Variants in MEIS1 observed in about 807,000 individuals in gnomAD.
MEIS1 encodes the protein Meis homeobox 1, also known as homeobox protein Meis1.
In MEIS1, 5 loss-of-function variants were observed where a neutral mutation model predicts 50.8. The observed-to-expected ratio is 0.10, with a 90% CI of 0.05 to 0.21. The LOEUF (loss-of-function observed/expected upper bound fraction) is 0.21, where lower values mean the gene tolerates loss of function less well. Among genes scored for constraint, MEIS1 ranks in the 10% least tolerant of loss-of-function variants. The pLI is 1.00. For missense variants in MEIS1, 318 were observed against 517.3 expected (o/e 0.61, Z 3.74); for synonymous variants, 176 against 179.3 (o/e 0.98, Z 0.15).
At chr2:66,469,942 A>G (rs2103758004) in intron 7 of MEIS1, among the ~76,000 whole-genome samples, 1 of 152,198 alleles carries the variant, frequency 6.6e-6, no homozygotes, top group South Asian at 2.1e-4. Flanking sequence ...TTAAAAAAAA[A>G]ACACGAAAAA....
At position 66,520,249 on chromosome 2, in the gene MEIS1, C is replaced by T. The variant is rs928687530; in HGVS notation, c.888+7955C>T. 5.3e-5 allele frequency among the ~76,000 whole-genome samples: 8 copies of T among 151,486 alleles called. No individual in the cohort carries two copies. In the South Asian group the frequency reaches 1.0e-3, roughly 20 times the overall value. ...CAGCACTTTGGGAGGCCGAGGTGGG[C>T]GGATCCTGAGGTCAGGAGATCGAGA... is the stretch of plus-strand genomic sequence containing the variant. On this transcript the variant is annotated intron_variant, in intron 8 of 12. Transcript: ENST00000272369.
intron 7 of MEIS1, among the ~76,000 whole-genome samples, chr2:66,504,935 T>G (rs1166648345): frequency 1.3e-5 from 2 of 152,230 alleles, no homozygotes; most frequent in Non-Finnish European, 2.9e-5. Flanking sequence ...GGAATCACTT[T>G]GCGCTAAGAA....
chr2:66,546,816 A>C (rs1213526483), intron 8 of MEIS1, among the ~76,000 whole-genome samples: 2 of 152,196 alleles, frequency 1.3e-5, no homozygotes, highest in East Asian at 3.9e-4. Flanking sequence ...GATATAGAGC[A>C]TATTTAAACT....
At chr2:66,543,796 TC>T (rs1403372033) in intron 8 of MEIS1, among the ~76,000 whole-genome samples, 1 of 152,228 alleles carries the variant, frequency 6.6e-6, no homozygotes, top group Non-Finnish European at 1.5e-5. Context: ...CCCATCTTGA[TC>T]AATTGTTTGC....
rs572773342 is a variant in MEIS1 at position 66,564,232 on chromosome 2, A to G, written c.966-3221A>G. On this transcript the variant is annotated intron_variant, in intron 9 of 12. Coordinates refer to ENST00000272369, the MANE Select transcript of MEIS1 (RefSeq NM_002398.3). ...TGTTTATGTTTTATTTTTTAATTAA[A>G]GGTTTCCCCCTTTGATATCTACACA... is the stretch of plus-strand genomic sequence containing the variant. Among the ~76,000 whole-genome samples the G allele has an allele frequency of 2.6e-5, 4 of 151,906 alleles. No homozygotes were observed. In the South Asian group the frequency reaches 8.3e-4, roughly 32 times the overall value.
rs570204375 is a variant in MEIS1 at position 66,471,849 on chromosome 2, G to T, written c.742+7629G>T. 5.2e-3 allele frequency among the ~76,000 whole-genome samples: 795 copies of T among 152,222 alleles called. 5 individuals carry two copies. The highest frequency in any genetic ancestry group is 0.018 in the African/African-American group (744 of 41,532). On this transcript the variant is annotated intron_variant, in intron 7 of 12. Coordinates refer to ENST00000272369, the MANE Select transcript of MEIS1 (RefSeq NM_002398.3). ...GGAAGTTAATTGTTCATAATATTCA[G>T]TTCTTTCTTTTCAAAACTGTAAATA...
intron 7 of MEIS1, among the ~76,000 whole-genome samples, chr2:66,480,460 A>G (rs1400381437): frequency 6.6e-6 from 1 of 152,176 alleles, no homozygotes; most frequent in Non-Finnish European, 1.5e-5. Flanking sequence ...GCACACTGGG[A>G]TATTATGTGA....
At position 66,440,065 on chromosome 2, in the gene MEIS1, G is replaced by A. The variant is rs762949877; in HGVS notation, c.381+81G>A. The A allele has an allele frequency of 6.3e-5, 68 of 1,079,156 alleles. No homozygotes were observed. The African/African-American group carries it at 9.5e-4, about 15-fold the overall frequency. The allele number at this position is 1,079,156 out of a possible 1,614,324, so 66.8% of individuals were successfully genotyped here. On this transcript the variant is annotated intron_variant, in intron 3 of 12. Coordinates refer to ENST00000272369, the MANE Select transcript of MEIS1 (RefSeq NM_002398.3). ...CCAACACACACGCGCGCGCGCGCGC[G>A]CGAACACACACACACACACACACAC...
rs1165380297 is a variant in MEIS1, at chr2:66,571,270, A to G, written c.*62A>G. Reference sequence around the variant, plus strand: ...GGGCTGCAAAGTATGCCAGGGGAGTATGTAGCCCGGGGTGGTCCAATGGGT... The same window carrying G: ...GGGCTGCAAAGTATGCCAGGGGAGTGTGTAGCCCGGGGTGGTCCAATGGGT... On this transcript the variant is annotated 3_prime_UTR_variant, in exon 13 of 13. Coordinates refer to ENST00000272369, the MANE Select transcript of MEIS1 (RefSeq NM_002398.3). 3 of 1,593,408 alleles carry G rather than the reference A, an allele frequency of 1.9e-6. No homozygotes were observed.
intron 7 of MEIS1, among the ~76,000 whole-genome samples, chr2:66,500,941 TTGTCTTTG>T (rs972912192): frequency 6.6e-6 from 1 of 152,062 alleles, no homozygotes; most frequent in Non-Finnish European, 1.5e-5. Context: ...AAAATAAATG[TTGTCTTTG>T]TGTGTTTGTG....
chr2:66,541,099 G>A (rs4671733), intron 8 of MEIS1, among the ~76,000 whole-genome samples: 14,320 of 151,478 alleles, frequency 0.095, 780 homozygotes, highest in African/African-American at 0.15. Context: ...GTGCAGTGGC[G>A]CAATCTCGGC....
intron 7 of MEIS1, among the ~76,000 whole-genome samples, chr2:66,494,345 T>A (rs1029350004): frequency 6.6e-5 from 10 of 152,180 alleles, no homozygotes; most frequent in Non-Finnish European, 1.2e-4. Context: ...ACACTTAACT[T>A]TTTTTCTGTA....
At chr2:66,521,138 G>T (rs533156869) in intron 8 of MEIS1, among the ~76,000 whole-genome samples, 1 of 152,224 alleles carries the variant, frequency 6.6e-6, no homozygotes, top group East Asian at 1.9e-4. Flanking sequence ...GGCAAAGAAA[G>T]CTACATCTGT....
intron 7 of MEIS1, among the ~76,000 whole-genome samples, chr2:66,489,030 A>G (rs556240892): frequency 6.6e-6 from 1 of 152,358 alleles, no homozygotes; most frequent in African/African-American, 2.4e-5. Flanking sequence ...CTACAGGCCA[A>G]CTAAATGGGA....
intron 9 of MEIS1, among the ~76,000 whole-genome samples, chr2:66,555,239 G>A (rs1471106207): frequency 6.7e-6 from 1 of 150,092 alleles, no homozygotes; most frequent in Non-Finnish European, 1.5e-5. Context: ...TTTGAATTGT[G>A]GTTGTGTGTA....
intron 8 of MEIS1, among the ~76,000 whole-genome samples, chr2:66,544,781 A>C (rs1467259291): frequency 6.6e-6 from 1 of 152,192 alleles, no homozygotes; most frequent in Non-Finnish European, 1.5e-5. Context: ...TCACATGAAA[A>C]GTGACAGAGG....
intron 7 of MEIS1, among the ~76,000 whole-genome samples, chr2:66,487,464 T>C (rs770209018): frequency 2.2e-4 from 33 of 152,234 alleles, no homozygotes; most frequent in Non-Finnish European, 4.0e-4. Flanking sequence ...ATTTCAGCTA[T>C]ACCTATATTC....
intron 7 of MEIS1, among the ~76,000 whole-genome samples, chr2:66,491,892 C>T (rs1040948407): frequency 1.3e-4 from 20 of 151,862 alleles, no homozygotes; most frequent in Non-Finnish European, 2.4e-4. Flanking sequence ...TTATTAGCAC[C>T]GTCCAAATGA....
At chr2:66,545,293 A>C (rs1674763351) in intron 8 of MEIS1, among the ~76,000 whole-genome samples, 1 of 152,192 alleles carries the variant, frequency 6.6e-6, no homozygotes, top group African/African-American at 2.4e-5. Flanking sequence ...ATTTTACAGG[A>C]AATGTTATAG....
Sources: allele counts gnomAD v4.1 joint callset (sites outside exome capture counted in the v4.1 genomes callset), GRCh38; gene constraint gnomAD v4.1.1; transcripts MANE v1.5; gene names NCBI Gene and HGNC (gene_info 2026-07-23, HGNC 2026-07-21).